Variants in MEGF6 observed in about 807,000 individuals in gnomAD.
MEGF6 encodes multiple EGF like domains 6, also known as multiple epidermal growth factor-like domains protein 6.
A neutral mutation model predicts 207.1 loss-of-function variants in MEGF6; 184 were observed. That is an observed-to-expected ratio of 0.89 (90% CI 0.79 to 1.00). The LOEUF (loss-of-function observed/expected upper bound fraction) is 1.00, where lower values mean the gene tolerates loss of function less well. Among genes scored for constraint, MEGF6 ranks in the 50% least tolerant of loss-of-function variants. The probability of loss-of-function intolerance (pLI) is 0.00; values close to 1 mark genes in which losing one functional copy is unlikely to be tolerated. For missense variants in MEGF6, 2,282 were observed against 2,202.9 expected (o/e 1.04, Z -0.72); for synonymous variants, 1,038 against 910.0 (o/e 1.14, Z -2.53).
upstream of MEGF6, among the ~76,000 whole-genome samples, chr1:3,613,557 G>A (rs1163058617): frequency 6.6e-6 from 1 of 152,172 alleles, no homozygotes; most frequent in East Asian, 1.9e-4. Context: ...CGGGGGTGGA[G>A]GAGGATGACT....
At chr1:3,545,166 C>T (rs1236898758) in intron 4 of MEGF6, among the ~76,000 whole-genome samples, 1 of 152,126 alleles carries the variant, frequency 6.6e-6, no homozygotes, top group East Asian at 1.9e-4. Context: ...GGTCTTCGTG[C>T]TGCCTCCGCA....
chr1:3,549,213 G>A (rs948493499), intron 4 of MEGF6, among the ~76,000 whole-genome samples: 5 of 152,114 alleles, frequency 3.3e-5, no homozygotes, highest in Admixed American at 1.3e-4. Flanking sequence ...CACAAGGGCC[G>A]CAGGAGACCC....
At chr1:3,548,045 G>A (rs928045955) in intron 4 of MEGF6, among the ~76,000 whole-genome samples, 2 of 151,946 alleles carry the variant, frequency 1.3e-5, no homozygotes, top group Non-Finnish European at 2.9e-5. Context: ...CTGTGCCCCC[G>A]CCTCTAGAGG....
chr1:3,500,541 T>G, intron 21 of MEGF6, 92 bp downstream of exon 21: 1 of 1,446,846 alleles, frequency 6.9e-7, no homozygotes, highest in East Asian at 2.5e-5. Context: ...CAGGAGGGAG[T>G]ACGGTCAAAG....
intron 23 of MEGF6, 23 bp downstream of exon 23, chr1:3,499,565 G>A: frequency 6.4e-7 from 1 of 1,563,532 alleles, no homozygotes. Flanking sequence ...CAGCACCCCG[G>A]GCTGAGCAGG....
At chr1:3,526,979 T>C (rs1641989173) in intron 4 of MEGF6, among the ~76,000 whole-genome samples, 1 of 152,208 alleles carries the variant, frequency 6.6e-6, no homozygotes, top group African/African-American at 2.4e-5. Context: ...GAAAATATTA[T>C]GATTTCAAAA....
rs1222528299 is a variant in MEGF6, at chr1:3,494,062, G to A, written c.4192C>T (p.Pro1398Ser). ...QGLCWCQHGA[P>S]CDPISGRCLC... ...CATCGGCCACTGATGGGGTCGCAGG[G>A]GGCTCCATGTTGACACCAGCACAAC... is the stretch of plus-strand genomic sequence containing the variant. Residue 1398 changes from proline to serine, a missense_variant, in exon 33 of 37, where the codon CCC (proline) becomes TCC (serine). Physicochemically the swap from Pro to Ser is moderately conservative, Grantham distance 74. Coordinates refer to ENST00000356575, the MANE Select transcript of MEGF6 (RefSeq NM_001409.4). 6.2e-7 allele frequency: 1 copy of A among 1,606,274 alleles called. No individual in the cohort carries two copies. The highest frequency in any genetic ancestry group is 1.7e-5 in the Admixed American group (1 of 59,390).
Position 3,498,804 on chromosome 1 carries a change from G to T in MEGF6, c.3117C>A (p.Gly1039=). 1 of 1,554,304 alleles carries T rather than the reference G, an allele frequency of 6.4e-7. No homozygotes were observed. The change falls in exon 25 of 37, where the codon GGC becomes GGA. Residue 1039 remains glycine, a synonymous_variant. Coordinates refer to ENST00000356575, the MANE Select transcript of MEGF6 (RefSeq NM_001409.4). ...CLQACPAGLY[G]DNCRHSCLCQ... ...AGAGGCAGGAATGCCGACAGTTGTC[G>T]CCGTACAGGCCGGCAGGGCAGGCTG...
chr1:3,597,865 G>T (rs758267214), intron 2 of MEGF6, among the ~76,000 whole-genome samples: 4 of 152,218 alleles, frequency 2.6e-5, no homozygotes, highest in Non-Finnish European at 5.9e-5. Flanking sequence ...TGCAGCAGTG[G>T]CAGGAAACTC....
chr1:3,506,139 G>A lies in MEGF6; in HGVS notation c.1887C>T (p.Asp629=). The A allele has an allele frequency of 1.3e-6, 2 of 1,598,524 alleles. No homozygotes were observed. Among genetic ancestry groups the A allele is most frequent in the Non-Finnish European group, 8.5e-7 (1 of 1,173,180 alleles). The change falls in exon 15 of 37, where the codon GAC becomes GAT. Residue 629 remains aspartate, a synonymous_variant. Coordinates refer to ENST00000356575, the MANE Select transcript of MEGF6 (RefSeq NM_001409.4). ...CHRLYGACLC[D]PGLYGRFCHL... ...GGCAGAAGCGGCCGTAGAGCCCTGG[G>A]TCGCAGAGGCAGGCCCCGTAGAGGC... is the stretch of plus-strand genomic sequence containing the variant.
chr1:3,508,952 A>G, intron 12 of MEGF6, 123 bp downstream of exon 12: 1 of 1,213,002 alleles, frequency 8.2e-7, no homozygotes, highest in Non-Finnish European at 1.1e-6. Context: ...CCTTGGTCTA[A>G]CATGGCATTG....
intron 5 of MEGF6, among the ~76,000 whole-genome samples, chr1:3,520,662 G>C (rs933337769): frequency 4.6e-5 from 7 of 152,192 alleles, no homozygotes; most frequent in Non-Finnish European, 8.8e-5. Flanking sequence ...GCAGGGCTGG[G>C]GAACGGGGAC....
In MEGF6 at chr1:3,595,408, C is replaced by T. The variant is rs373577278; in HGVS notation, c.306G>A (p.Thr102=). ...AGCACCTGAGCACGGTCCGGGCCTC[C>T]GTGGTATACACCTGCCTGTAGCCCA... ...YYMGYRQVYT[T]EARTVLRCCR... The change falls in exon 3 of 37, where the codon ACG becomes ACA. Residue 102 remains threonine (T), a synonymous_variant. Transcript: ENST00000356575. 4.6e-5 allele frequency: 74 copies of T among 1,612,660 alleles called. No homozygotes were observed. In the Admixed American group the frequency reaches 4.7e-4, roughly 10 times the overall value.
At chr1:3,590,189 G>A (rs1416818540) in intron 3 of MEGF6, among the ~76,000 whole-genome samples, 2 of 152,216 alleles carry the variant, frequency 1.3e-5, no homozygotes, top group African/African-American at 2.4e-5. Flanking sequence ...GTGTACATGC[G>A]GAAGGACCAG....
the MEGF6 span, among the ~76,000 whole-genome samples, chr1:3,622,840 G>A: frequency 6.6e-6 from 1 of 152,168 alleles, no homozygotes; most frequent in Non-Finnish European, 1.5e-5. Context: ...TGTGACAGAA[G>A]CCCCAGGAAA....
chr1:3,615,003 A>G (rs1206963352), upstream of MEGF6, among the ~76,000 whole-genome samples: 7 of 152,346 alleles, frequency 4.6e-5, no homozygotes. Context: ...GTTGATTCTC[A>G]TGACAGCTTA....
chr1:3,511,906 A>C (rs559386288), intron 8 of MEGF6, 100 bp downstream of exon 8: 21 of 1,558,080 alleles, frequency 1.3e-5, no homozygotes, highest in Non-Finnish European at 1.8e-5. Flanking sequence ...CCCCTGATTG[A>C]CAAGGAAGCC....
chr1:3,518,760 C>T (rs995532353), intron 5 of MEGF6, among the ~76,000 whole-genome samples: 1 of 152,210 alleles, frequency 6.6e-6, no homozygotes, highest in Non-Finnish European at 1.5e-5. Flanking sequence ...TCTTGAGTCT[C>T]CTGCCACGTG....
chr1:3,547,097 C>T (rs564517918), intron 4 of MEGF6: 233 of 154,638 alleles, frequency 1.5e-3, no homozygotes, highest in African/African-American at 5.2e-3. Context: ...GCACAGCCCC[C>T]GTTGGCGTTG....
Sources: gnomAD v4.1 joint callset for allele counts (sites outside exome capture counted in the v4.1 genomes callset) on GRCh38, gnomAD v4.1.1 for gene constraint, MANE v1.5 for transcripts, NCBI Gene and HGNC (gene_info 2026-07-23, HGNC 2026-07-21) for gene names.